Variants in COL6A2 observed in about 807,000 individuals in gnomAD.
COL6A2 encodes the protein collagen alpha-2(VI) chain.
COL6A2 carries 90 observed loss-of-function variants against 124.9 expected under a neutral mutation model. That is an observed-to-expected ratio of 0.72 (90% CI 0.61 to 0.86). COL6A2 has a LOEUF of 0.86. Ranked by LOEUF, COL6A2 falls within the 40% of genes least tolerant of loss-of-function variation. COL6A2 has a pLI of 0.00. For synonymous variants in COL6A2, 793 were observed against 618.2 expected, an observed-to-expected ratio of 1.28 and a Z score of -4.19; for missense variants, 1,607 against 1,502.5, an observed-to-expected ratio of 1.07 and a Z score of -1.15.
intron 14 of COL6A2, 80 bp downstream of exon 14, chr21:46,119,199 C>A: frequency 9.0e-7 from 1 of 1,108,970 alleles, no homozygotes; most frequent in Non-Finnish European, 1.3e-6. Context: ...GGGGGAAGGG[C>A]ACCTGGGCTG....
intron 2 of COL6A2, 24 bp downstream of exon 2, chr21:46,111,615 G>A (rs1247271994): frequency 1.4e-6 from 2 of 1,472,270 alleles, no homozygotes; most frequent in South Asian, 1.1e-5. Context: ...GGGGCCGGGG[G>A]CTCTGGGCAT....
At chr21:46,129,512 C>G (rs371302136) in intron 27 of COL6A2, 2 of 1,532,326 alleles carry the variant, frequency 1.3e-6, no homozygotes, top group Admixed American at 2.0e-5. Flanking sequence ...CCCGCCCAGC[C>G]GGGCTGGGCC....
chr21:46,110,969 G>T (rs1366069165), intron 1 of COL6A2, among the ~76,000 whole-genome samples: 1 of 152,202 alleles, frequency 6.6e-6, no homozygotes, highest in Non-Finnish European at 1.5e-5. Context: ...CCTTATCAAA[G>T]TCCTGTTTAA....
rs2078421479 is a variant in COL6A2 at position 46,112,669 on chromosome 21, T to C, written c.714+92T>C. Reference sequence around the variant, plus strand: ...GGGCCTCACTTTACCCCTCTGTGAGTGCGGAGGCCGAAGGAGGAAGCTCCG... The same window carrying C: ...GGGCCTCACTTTACCCCTCTGTGAGCGCGGAGGCCGAAGGAGGAAGCTCCG... On this transcript the variant is annotated intron_variant, in intron 3 of 27. Coordinates refer to ENST00000300527, the MANE Select transcript of COL6A2 (RefSeq NM_001849.4). 27 of 1,590,536 alleles carry C rather than the reference T, an allele frequency of 1.7e-5. No individual in the cohort carries two copies. The South Asian group carries it at 2.1e-4, about 12-fold the overall frequency.
intron 1 of COL6A2, among the ~76,000 whole-genome samples, chr21:46,110,269 C>T (rs1218495309): frequency 2.0e-5 from 3 of 152,168 alleles, no homozygotes; most frequent in East Asian, 1.9e-4. Flanking sequence ...GCAGCGGCCA[C>T]ACCAGATGGG....
At position 46,127,843 on chromosome 21, in the gene COL6A2, C is replaced by T. The variant is rs371117676; in HGVS notation, c.2461+1302C>T. Among the ~76,000 whole-genome samples the T allele has an allele frequency of 1.8e-4, 27 of 152,286 alleles. No homozygotes were observed. In the East Asian group the frequency reaches 2.1e-3, roughly 12 times the overall value. ...CGTCTGTGGATGTCACGTGACCTTT[C>T]CTCTTTAGCCTATCATTGTAGTTGG... On this transcript the variant is annotated intron_variant, in intron 27 of 27. Coordinates refer to ENST00000300527, the MANE Select transcript of COL6A2 (RefSeq NM_001849.4).
chr21:46,126,285 G>A (rs778700884), intron 26 of COL6A2, 48 bp downstream of exon 26: 6 of 1,586,958 alleles, frequency 3.8e-6, no homozygotes, highest in Non-Finnish European at 5.1e-6. Flanking sequence ...GCAGGCCCCA[G>A]CCGCTGTCTA....
At chr21:46,129,073 C>T in intron 27 of COL6A2, 1 of 1,599,780 alleles carries the variant, frequency 6.3e-7, no homozygotes, top group Non-Finnish European at 8.5e-7. Flanking sequence ...TGCATTTCCT[C>T]TACCGACTCG....
chr21:46,125,148 C>T (rs935949741), intron 23 of COL6A2, 118 bp from the exon 24 acceptor site: 2 of 1,115,690 alleles, frequency 1.8e-6, no homozygotes, highest in Middle Eastern at 2.2e-4. Context: ...GCCAGCCTCC[C>T]CGCATGGCTG....
chr21:46,102,054 T>A (rs1423700206), intron 1 of COL6A2, among the ~76,000 whole-genome samples: 4 of 152,114 alleles, frequency 2.6e-5, no homozygotes, highest in Non-Finnish European at 5.9e-5. Flanking sequence ...TGTCTTTTTT[T>A]AAATGTCCTC....
chr21:46,107,972 T>A (rs539460374), intron 1 of COL6A2, among the ~76,000 whole-genome samples: 4 of 152,298 alleles, frequency 2.6e-5, no homozygotes, highest in African/African-American at 9.6e-5. Flanking sequence ...AGAATAAATC[T>A]CTTAAAATAT....
At chr21:46,127,613 G>T (rs1460431896) in intron 27 of COL6A2, among the ~76,000 whole-genome samples, 2 of 152,186 alleles carry the variant, frequency 1.3e-5, no homozygotes, top group Non-Finnish European at 2.9e-5. Context: ...CTGAGGGCAG[G>T]AACCAGACCT....
At chr21:46,101,031 A>C (rs1262971428) in intron 1 of COL6A2, among the ~76,000 whole-genome samples, 3 of 152,186 alleles carry the variant, frequency 2.0e-5, no homozygotes, top group African/African-American at 4.8e-5. Context: ...ACAAGGGTCC[A>C]GTTTCTCCAC....
chr21:46,122,161 G>C lies in COL6A2; in HGVS notation c.1572+3G>C. ...ACCCAGGACCCCGAGGAGCACCCGT[G>C]AGTCACAGCCTGGGATGGCAGCTCC... is the stretch of plus-strand genomic sequence containing the variant. On this transcript the variant is annotated splice_donor_region_variant and intron_variant, in intron 19 of 27. Transcript: ENST00000300527. The C allele has an allele frequency of 1.9e-6, 3 of 1,612,546 alleles. No homozygotes were observed. Among genetic ancestry groups the C allele is most frequent in the Non-Finnish European group, 2.5e-6 (3 of 1,179,904 alleles).
chr21:46,130,852 T>C (rs1414177952), intron 27 of COL6A2, among the ~76,000 whole-genome samples: 4 of 152,192 alleles, frequency 2.6e-5, no homozygotes, highest in Non-Finnish European at 5.9e-5. Flanking sequence ...GCTGCGTCAC[T>C]CATAAGCTCA....
chr21:46,130,493 A>ACAGGG (rs1000821297), intron 27 of COL6A2, among the ~76,000 whole-genome samples: 9 of 152,088 alleles, frequency 5.9e-5, no homozygotes, highest in African/African-American at 2.2e-4. Flanking sequence ...CACCCACTGC[A>ACAGGG]CAGGGCAGGC....
chr21:46,104,802 GT>G (rs1308570965), intron 1 of COL6A2, among the ~76,000 whole-genome samples: 1 of 152,326 alleles, frequency 6.6e-6, no homozygotes, highest in Non-Finnish European at 1.5e-5. Context: ...TTCATCACAT[GT>G]AAGGAATCCT....
intron 21 of COL6A2, 24 bp downstream of exon 21, chr21:46,122,961 C>G: frequency 6.2e-7 from 1 of 1,610,480 alleles, no homozygotes; most frequent in Admixed American, 1.7e-5. Context: ...TCCCGAAGCC[C>G]ACAGCAGCTG....
intron 21 of COL6A2, among the ~76,000 whole-genome samples, chr21:46,123,700 G>GACGGATGA (rs147343161): frequency 2.0e-5 from 3 of 150,206 alleles, no homozygotes; most frequent in Non-Finnish European, 4.4e-5. Context: ...TGGGTAGGTG[G>GACGGATGA]GTAGATGGAT....
Sources: gnomAD v4.1 joint callset for allele counts (sites outside exome capture counted in the v4.1 genomes callset) on GRCh38, gnomAD v4.1.1 for gene constraint, MANE v1.5 for transcripts, NCBI Gene and HGNC (gene_info 2026-07-23, HGNC 2026-07-21) for gene names.